The following RARB variants were observed in gnomAD, a reference collection of about 807,000 sequenced individuals.
RARB encodes the protein retinoic acid receptor beta.
RARB carries 17 observed loss-of-function variants against 51.9 expected under a neutral mutation model. The observed-to-expected ratio is 0.33, with a 90% CI of 0.22 to 0.49. The LOEUF is 0.49. Ranked by LOEUF, RARB falls within the 20% of genes least tolerant of loss-of-function variation. The pLI, the probability that RARB is intolerant of heterozygous loss-of-function variation, is 0.99. For synonymous variants in RARB, 215 were observed against 195.4 expected (o/e 1.10, Z -0.84); for missense variants, 369 against 550.8 (o/e 0.67, Z 3.30).
At chr3:25,390,355 T>G (rs1706916041) in intron 5 of RARB, among the ~76,000 whole-genome samples, 1 of 152,082 alleles carries the variant, frequency 6.6e-6, no homozygotes, top group Admixed American at 6.6e-5. Context: ...AAGACTCTAT[T>G]TACGAGGAAG....
intron 2 of RARB, among the ~76,000 whole-genome samples, chr3:25,464,335 C>CT (rs1430496271): frequency 1.3e-5 from 2 of 152,070 alleles, no homozygotes; most frequent in African/African-American, 4.8e-5. Flanking sequence ...GATTCTGACT[C>CT]CTTTTTAGGA....
At chr3:25,037,425 T>A (rs776437053) in intron 2 of RARB, among the ~76,000 whole-genome samples, 37 of 152,120 alleles carry the variant, frequency 2.4e-4, no homozygotes, top group Non-Finnish European at 4.1e-4. Flanking sequence ...AAGTGACTTT[T>A]CCCTGACTGT....
chr3:25,286,198 C>T (rs1267261801), intron 5 of RARB, among the ~76,000 whole-genome samples: 3 of 145,464 alleles, frequency 2.1e-5, no homozygotes, highest in East Asian at 4.0e-4. Flanking sequence ...ACGCCATTCT[C>T]CTGCCTCGGC....
chr3:25,406,028 G>A (rs1236490031), intron 5 of RARB, among the ~76,000 whole-genome samples: 1 of 152,078 alleles, frequency 6.6e-6, no homozygotes, highest in African/African-American at 2.4e-5. Flanking sequence ...CTGCCTTAGA[G>A]GACTCCCATC....
At chr3:24,944,666 C>G (rs1037835138) in intron 2 of RARB, among the ~76,000 whole-genome samples, 1 of 152,114 alleles carries the variant, frequency 6.6e-6, no homozygotes, top group Non-Finnish European at 1.5e-5. Flanking sequence ...ATTTGGGTCT[C>G]TATATATTCT....
intron 2 of RARB, among the ~76,000 whole-genome samples, chr3:25,004,268 G>A (rs966136320): frequency 1.4e-4 from 21 of 152,220 alleles, no homozygotes; most frequent in African/African-American, 5.1e-4. Flanking sequence ...ATTTTTCTCT[G>A]TGCTCAAAAA....
At chr3:25,589,443 C>T (rs1475150183) in intron 5 of RARB, among the ~76,000 whole-genome samples, 1 of 152,018 alleles carries the variant, frequency 6.6e-6, no homozygotes, top group Non-Finnish European at 1.5e-5. Context: ...CTCTGATGAA[C>T]ATTTTGGACA....
intron 5 of RARB, among the ~76,000 whole-genome samples, chr3:25,371,312 T>A (rs1263747798): frequency 6.6e-6 from 1 of 152,154 alleles, no homozygotes; most frequent in African/African-American, 2.4e-5. Flanking sequence ...AAGGTTGGGA[T>A]GTGGACAAGG....
rs1308117982 is a variant in RARB, at chr3:25,285,520, CAGTTGG to C, written c.178+110951_178+110956del. Among the ~76,000 whole-genome samples the C allele has an allele frequency of 2.6e-5, 4 of 152,244 alleles. 1 individual carries two copies. Among genetic ancestry groups the C allele is most frequent in the African/African-American group, 9.6e-5 (4 of 41,534 alleles). The stretch of plus-strand genomic sequence containing the variant: ...TAACTTTGGCTGCAGTGTGGAGAAA[CAGTTGG>C]AGTTGAACTTGAATTGAACCTGACA... On this transcript the variant is annotated intron_variant, in intron 5 of 11. Transcript: ENST00000383772.
At chr3:25,146,711 G>T (rs1187263354) in intron 4 of RARB, among the ~76,000 whole-genome samples, 1 of 151,632 alleles carries the variant, frequency 6.6e-6, no homozygotes, top group Non-Finnish European at 1.5e-5. Flanking sequence ...AGTAGAGACG[G>T]GGTTTCACCA....
At chr3:25,034,565 C>G (rs1344427318) in intron 2 of RARB, among the ~76,000 whole-genome samples, 2 of 152,148 alleles carry the variant, frequency 1.3e-5, no homozygotes, top group Admixed American at 1.3e-4. Flanking sequence ...AAGAGTAAAC[C>G]TTCAACAAAA....
At position 25,120,527 on chromosome 3, in the gene RARB, A is replaced by ATCTCTCTCTCTCTCTCTC. The variant is rs138649959; in HGVS notation, c.-327-11615_-327-11598dup. ...AAGAAATATAAATATATATATAAAA[A>ATCTCTCTCTCTCTCTCTC]TCTCTCTCTCTCTCTCTCTCTCTCT... On this transcript the variant is annotated intron_variant, in intron 3 of 11. Transcript: ENST00000383772. Among the ~76,000 whole-genome samples, 407 of 136,144 alleles carry ATCTCTCTCTCTCTCTCTC rather than the reference A, an allele frequency of 3.0e-3. 9 individuals carry two copies. Among genetic ancestry groups the ATCTCTCTCTCTCTCTCTC allele is most frequent in the African/African-American group, 8.1e-3 (289 of 35,640 alleles). The allele number at this position is 136,144 out of a possible 152,430, so 89.3% of individuals were successfully genotyped here. A position where few individuals can be genotyped will look rare whatever the true frequency, so the allele number is the denominator to read the frequency against.
At chr3:25,531,479 G>A (rs1698918394) in intron 3 of RARB, among the ~76,000 whole-genome samples, 1 of 152,116 alleles carries the variant, frequency 6.6e-6, no homozygotes, top group African/African-American at 2.4e-5. Context: ...GTGCGTGCGT[G>A]TGTATATCTC....
At chr3:25,387,181 C>A (rs903592340) in intron 5 of RARB, among the ~76,000 whole-genome samples, 1 of 152,100 alleles carries the variant, frequency 6.6e-6, no homozygotes, top group Non-Finnish European at 1.5e-5. Context: ...CAACAGAAAC[C>A]CAGCAGGAGA....
chr3:25,047,997 G>A (rs570638537), intron 2 of RARB, among the ~76,000 whole-genome samples: 2 of 152,286 alleles, frequency 1.3e-5, no homozygotes, highest in Admixed American at 6.5e-5. Flanking sequence ...TTTCATAAAT[G>A]GGAGTTCCCC....
chr3:25,443,222 T>C (rs1708776483), intron 1 of RARB, among the ~76,000 whole-genome samples: 1 of 152,118 alleles, frequency 6.6e-6, no homozygotes, highest in African/African-American at 2.4e-5. Flanking sequence ...GTCAAAAACT[T>C]GGGAGGTTCA....
At chr3:25,503,677 G>A (rs1217185689) in intron 3 of RARB, among the ~76,000 whole-genome samples, 1 of 152,084 alleles carries the variant, frequency 6.6e-6, no homozygotes. Context: ...GGAAATTGAA[G>A]GGAAAGAAAT....
chr3:25,428,157 G>A (rs1451673109), upstream of RARB: 2 of 1,057,046 alleles, frequency 1.9e-6, no homozygotes, highest in African/African-American at 1.6e-5. Context: ...AGAATCCTGG[G>A]AGTTGGTGAT....
At chr3:25,430,648 G>T (rs1210113567) in intron 1 of RARB, among the ~76,000 whole-genome samples, 1 of 152,186 alleles carries the variant, frequency 6.6e-6, no homozygotes, top group African/African-American at 2.4e-5. Flanking sequence ...GAGAGCGAGC[G>T]GTGAATGTGT....
Sources: gnomAD v4.1 joint callset for allele counts (sites outside exome capture counted in the v4.1 genomes callset) on GRCh38, gnomAD v4.1.1 for gene constraint, MANE v1.5 for transcripts, NCBI Gene and HGNC (gene_info 2026-07-23, HGNC 2026-07-21) for gene names.